ZFP37: variants seen among roughly 807,000 people sequenced by gnomAD.
ZFP37 encodes zinc finger protein 37 homolog.
In ZFP37, 38 loss-of-function variants were observed where a neutral mutation model predicts 52.1. The ratio of observed to expected loss-of-function variants is 0.73; its 90% CI spans 0.56 to 0.96. The LOEUF (loss-of-function observed/expected upper bound fraction) is 0.96. Among genes scored for constraint, ZFP37 ranks in the 40% least tolerant of loss-of-function variants. The pLI is 0.00. For missense variants in ZFP37, 695 were observed against 741.4 expected (o/e 0.94, Z 0.73); for synonymous variants, 253 against 259.5 (o/e 0.98, Z 0.24).
intron 3 of ZFP37, 98 bp downstream of exon 3, chr9:113,049,264 T>G (rs1829013596): frequency 7.5e-7 from 1 of 1,330,054 alleles, no homozygotes; most frequent in African/African-American, 1.5e-5. Context: ...CCTGATTTTT[T>G]CTATTGCTAT....
Position 113,042,727 on chromosome 9 carries a change from A to C in ZFP37, c.1891T>G (p.Ter631GlyextTer2). ...TTAACAAATTTCCCACATTAACTTCACTCATGAGATTTATCTTCTGAATGA... is the reference window on the plus strand; with the variant it reads ...TTAACAAATTTCCCACATTAACTTCCCTCATGAGATTTATCTTCTGAATGA... ...KTHSEDKSHE[*>G] The change falls in exon 4 of 4, where the codon TGA (stop) becomes GGA (glycine). Residue 631 changes from the stop codon to glycine (G), a stop_lost. Coordinates refer to ENST00000374227, the MANE Select transcript of ZFP37 (RefSeq NM_003408.3). 6.5e-7 allele frequency: 1 copy of C among 1,549,260 alleles called. No individual in the cohort carries two copies. Among genetic ancestry groups the C allele is most frequent in the Non-Finnish European group, 8.7e-7 (1 of 1,151,808 alleles).
chr9:113,049,486 A>G lies in ZFP37; in HGVS notation c.225T>C (p.Ala75=). The part of the protein sequence containing the change: ...YCNQASMGCQ[A]PKPDMISKLE... The stretch of plus-strand genomic sequence containing the variant: ...ACTTGGAGATCATGTCTGGTTTGGG[A>G]GCTTGACACCCTGCTCATGAGAAAT... Residue 75 remains alanine, a synonymous_variant, in exon 3 of 4, where the codon GCT becomes GCC. Coordinates refer to ENST00000374227, the MANE Select transcript of ZFP37 (RefSeq NM_003408.3). 1 of 1,612,942 alleles carries G rather than the reference A, an allele frequency of 6.2e-7. No homozygotes were observed. The highest frequency in any genetic ancestry group is 8.5e-7 in the Non-Finnish European group (1 of 1,179,394).
chr9:113,045,228 G>A (rs1281894728), intron 3 of ZFP37, among the ~76,000 whole-genome samples: 1 of 152,048 alleles, frequency 6.6e-6, no homozygotes, highest in Non-Finnish European at 1.5e-5. Context: ...AATTTTTCTT[G>A]TAGTGCTTAG....
chr9:113,054,952 G>C (rs931426581), intron 1 of ZFP37, among the ~76,000 whole-genome samples: 1 of 152,128 alleles, frequency 6.6e-6, no homozygotes, highest in Non-Finnish European at 1.5e-5. Flanking sequence ...GTGTCAGTCA[G>C]AACAGATCAT....
chr9:113,038,688 T>G lies in ZFP37; in HGVS notation c.*4037A>C, dbSNP rs1587906451. On this transcript the variant is annotated 3_prime_UTR_variant, in exon 4 of 4. Transcript: ENST00000374227. ...GTCCCAGCTACTAGGAAGGCTAAGG[T>G]GGGAGGAGTGCTTAAGCCTGGGAGG... 6.7e-6 allele frequency: 1 copy of G among 149,160 alleles called. No individual in the cohort carries two copies. The highest frequency in any genetic ancestry group is 1.5e-5 in the Non-Finnish European group (1 of 67,370). The allele number at this position is 149,160 out of a possible 1,614,324, so 9.2% of individuals were successfully genotyped here.
rs1411606 is a variant in ZFP37 at position 113,044,913 on chromosome 9, C to A, written c.350-645G>T. ...CCGAGAAGCAGAGACATAAGAACTG[C>A]GTCTTTAAAGAGATCATTTGCACAA... On this transcript the variant is annotated intron_variant, in intron 3 of 3. Transcript: ENST00000374227. 3.6e-3 allele frequency among the ~76,000 whole-genome samples: 539 copies of A among 151,582 alleles called. 6 individuals carry two copies. The highest frequency in any genetic ancestry group is 0.012 in the African/African-American group (512 of 41,262).
chr9:113,050,484 AAAG>A (rs1003084112), intron 1 of ZFP37, among the ~76,000 whole-genome samples: 2 of 152,186 alleles, frequency 1.3e-5, no homozygotes, highest in African/African-American at 2.4e-5. Flanking sequence ...AAAAAAAAAA[AAAG>A]AAAAAAGGAA....
chr9:113,043,096 T>C lies in ZFP37; in HGVS notation c.1522A>G (p.Met508Val), dbSNP rs768440189. ...FGHSSSLTYH[M>V]RTHTGESPFE... ...GGACTTTCACCTGTATGAGTTCTCA[T>C]ATGGTAAGTAAGAGATGAGCTATGT... The change falls in exon 4 of 4, where the codon ATG becomes GTG. Residue 508 changes from methionine to valine, a missense_variant. This residue lies in a region of ZFP37 where 326 missense variants were observed against 400.5 expected (regional missense o/e 0.81). Coordinates refer to ENST00000374227, the MANE Select transcript of ZFP37 (RefSeq NM_003408.3). 3.7e-6 allele frequency: 6 copies of C among 1,613,638 alleles called. No homozygotes were observed. The highest frequency in any genetic ancestry group is 5.1e-6 in the Non-Finnish European group (6 of 1,179,944).
chr9:113,053,078 C>T (rs1008856530), intron 1 of ZFP37, among the ~76,000 whole-genome samples: 1 of 152,174 alleles, frequency 6.6e-6, no homozygotes, highest in Admixed American at 6.5e-5. Context: ...AATTCAGCCA[C>T]CTATTCATCA....
At position 113,044,154 on chromosome 9, in the gene ZFP37, C is replaced by T. The variant is rs779108238; in HGVS notation, c.464G>A (p.Gly155Asp). Residue 155 changes from glycine to aspartate, a missense_variant, in exon 4 of 4, where the codon GGT (glycine) becomes GAT (aspartate). Physicochemically the swap from Gly to Asp is moderately conservative, Grantham distance 94 (BLOSUM62 -1). Coordinates refer to ENST00000374227, the MANE Select transcript of ZFP37 (RefSeq NM_003408.3). ...CAAATTATTTTTTTTCCCCAGTGAA[C>T]CACAGTCACTGCCATTCTTCTTAGC... is the stretch of plus-strand genomic sequence containing the variant. The part of the protein sequence containing the change: ...TQAKKNGSDC[G>D]SLGKKNNLHK... 1.2e-6 allele frequency: 2 copies of T among 1,612,564 alleles called. No homozygotes were observed. The highest frequency in any genetic ancestry group is 1.3e-5 in the African/African-American group (1 of 74,976).
At chr9:113,044,297 G>A (rs748109995) in intron 3 of ZFP37, 29 bp from the exon 4 acceptor site, 3 of 1,514,964 alleles carry the variant, frequency 2.0e-6, no homozygotes, top group Non-Finnish European at 2.6e-6. Context: ...AGATATTCTT[G>A]TGAATCTTTG....
Position 113,056,569 on chromosome 9 carries a change from C to T in ZFP37, c.120G>A (p.Glu40=), listed in dbSNP as rs1394580173. The T allele has an allele frequency of 7.4e-6, 12 of 1,613,620 alleles. No homozygotes were observed. The highest frequency in any genetic ancestry group is 1.7e-5 in the Admixed American group (1 of 60,012). ...RPLEMAVSEP[E]ASAAEWKQLD... ...TCACAGCTCTCACCGCGGCGCTGGC[C>T]TCGGGCTCGGACACAGCCATCTCCA... Residue 40 remains glutamate, a synonymous_variant, in exon 1 of 4, where the codon GAG becomes GAA. Coordinates refer to ENST00000374227, the MANE Select transcript of ZFP37 (RefSeq NM_003408.3).
At chr9:113,054,420 C>G (rs573536055) in intron 1 of ZFP37, among the ~76,000 whole-genome samples, 1 of 152,070 alleles carries the variant, frequency 6.6e-6, no homozygotes, top group Non-Finnish European at 1.5e-5. Flanking sequence ...CTAGGTGACC[C>G]GAGCCAATCT....
At chr9:113,055,172 T>G (rs796342680) in intron 1 of ZFP37, among the ~76,000 whole-genome samples, 18 of 152,274 alleles carry the variant, frequency 1.2e-4, no homozygotes, top group African/African-American at 3.9e-4. Context: ...CCTTTGCAGT[T>G]GATGTTTATT....
chr9:113,043,986 G>T lies in ZFP37; in HGVS notation c.632C>A (p.Ser211Ter), dbSNP rs1374926862. Residue 211 changes from serine (S) to a stop codon, truncating the protein, a stop_gained, in exon 4 of 4, where the codon TCA (serine) becomes TAA (stop). Coordinates refer to ENST00000374227, the MANE Select transcript of ZFP37 (RefSeq NM_003408.3). LOFTEE classifies it high-confidence loss of function. ...KSDAAKEHKK[S>*]FNHSLSDTRK... is the part of the protein sequence containing the mutation. The stretch of plus-strand genomic sequence containing the variant: ...TGTATCAGATAAGCTATGGTTGAAT[G>T]ACTTCTTGTGTTCTTTAGCTGCATC... 2 of 1,613,992 alleles carry T rather than the reference G, an allele frequency of 1.2e-6. No individual in the cohort carries two copies. Among genetic ancestry groups the T allele is most frequent in the South Asian group, 2.2e-5 (2 of 91,046 alleles).
In ZFP37 at chr9:113,043,496, T is replaced by A. The variant is rs777673971; in HGVS notation, c.1122A>T (p.Glu374Asp). Residue 374 changes from glutamate to aspartate, a missense_variant, in exon 4 of 4, where the codon GAA becomes GAT. By Grantham distance (45) the Glu-to-Asp change is conservative (BLOSUM62 2). This residue lies in a region of ZFP37 where 326 missense variants were observed against 400.5 expected (regional missense o/e 0.81). Transcript: ENST00000374227. ...CACATTCAGCACATTCATAGGGCTT[T>A]TCTCCAGTATGAATTCTTAGATGGT... is the stretch of plus-strand genomic sequence containing the variant. ...LTDHLRIHTG[E>D]KPYECAECGK... is the part of the protein sequence containing the mutation. 9 of 1,614,112 alleles carry A rather than the reference T, an allele frequency of 5.6e-6. No homozygotes were observed. Among genetic ancestry groups the A allele is most frequent in the Non-Finnish European group, 7.6e-6 (9 of 1,179,960 alleles).
At position 113,053,249 on chromosome 9, in the gene ZFP37, C is replaced by T. The variant is rs146248736; in HGVS notation, c.132+3308G>A. Among the ~76,000 whole-genome samples, 25 of 152,328 alleles carry T rather than the reference C, an allele frequency of 1.6e-4. No homozygotes were observed. The East Asian group carries it at 4.8e-3, about 29-fold the overall frequency. On this transcript the variant is annotated intron_variant, in intron 1 of 3. Coordinates refer to ENST00000374227, the MANE Select transcript of ZFP37 (RefSeq NM_003408.3). ...CCCTCTGATCCTAACCACTTTTTCA[C>T]AATCTTCCACCTTTACCTAGCCTTT...
intron 3 of ZFP37, among the ~76,000 whole-genome samples, chr9:113,045,370 A>G (rs975941799): frequency 1.3e-5 from 2 of 152,250 alleles, no homozygotes; most frequent in Non-Finnish European, 2.9e-5. Flanking sequence ...GATAAAATTC[A>G]TAGTAATTAG....
At chr9:113,045,494 C>A (rs1055986942) in intron 3 of ZFP37, among the ~76,000 whole-genome samples, 1 of 152,120 alleles carries the variant, frequency 6.6e-6, no homozygotes, top group Non-Finnish European at 1.5e-5. Flanking sequence ...TTCTAATTGT[C>A]AGTTATAAAT....
Sources: gnomAD v4.1 joint callset for allele counts (sites outside exome capture counted in the v4.1 genomes callset) on GRCh38, gnomAD v4.1.1 for gene constraint, gnomAD v4.1.1 regional missense constraint, MANE v1.5 for transcripts, NCBI Gene and HGNC (gene_info 2026-07-23, HGNC 2026-07-21) for gene names.